CAMSAP1: variants seen among roughly 807,000 people sequenced by gnomAD.
The protein encoded by CAMSAP1 is calmodulin-regulated spectrin-associated protein 1.
CAMSAP1 carries 58 observed loss-of-function variants against 143.5 expected under a neutral mutation model. The ratio of observed to expected loss-of-function variants is 0.40; its 90% CI spans 0.33 to 0.50. The LOEUF is 0.50. Among genes scored for constraint, CAMSAP1 ranks in the 20% least tolerant of loss-of-function variants. CAMSAP1 has a pLI of 0.45. For missense variants in CAMSAP1, 1,969 were observed against 2,115.7 expected, an observed-to-expected ratio of 0.93 and a Z score of 1.36; for synonymous variants, 945 against 859.3, an observed-to-expected ratio of 1.10 and a Z score of -1.74.
Position 135,832,928 on chromosome 9 carries a change from A to G in CAMSAP1, c.1046-5344T>C, listed in dbSNP as rs78670483. On this transcript the variant is annotated intron_variant, in intron 7 of 16. Coordinates refer to ENST00000389532, the MANE Select transcript of CAMSAP1 (RefSeq NM_015447.4). ...AGATATCCCATATTCACGGATTGAC[A>G]TAATATTGTCAAAATGTCCATACTA... Among the ~76,000 whole-genome samples the G allele has an allele frequency of 4.2e-3, 636 of 152,310 alleles. 1 individual carries two copies. Among genetic ancestry groups the G allele is most frequent in the Non-Finnish European group, 6.5e-3 (442 of 68,034 alleles).
Position 135,823,129 on chromosome 9 carries a change from A to G in CAMSAP1, c.1532T>C (p.Leu511Pro), listed in dbSNP as rs1835546700. 6.2e-7 allele frequency: 1 copy of G among 1,613,654 alleles called. No individual in the cohort carries two copies. Among genetic ancestry groups the G allele is most frequent in the Admixed American group, 1.7e-5 (1 of 60,000 alleles). ...GGGGTGTGGCTGGTTCTGTGGGGTCAGATTAACAATGTTGGATGCCAAACT... is the reference window on the plus strand; with the variant it reads ...GGGGTGTGGCTGGTTCTGTGGGGTCGGATTAACAATGTTGGATGCCAAACT... ...KDSLASNIVN[L>P]TPQNQPHPTA... is the part of the protein sequence containing the mutation. Residue 511 changes from leucine (L) to proline (P), a missense_variant, in exon 11 of 17, where the codon CTG (leucine) becomes CCG (proline). Physicochemically the swap from Leu to Pro is moderately conservative, Grantham distance 98. Around this residue, in one of 4 missense-constraint regions of CAMSAP1, gnomAD observed 1,390 missense variants for 1,420.8 expected, o/e 0.98. Transcript: ENST00000389532.
intron 1 of CAMSAP1, among the ~76,000 whole-genome samples, chr9:135,883,938 TACACA>T (rs1838040496): frequency 6.6e-6 from 1 of 152,164 alleles, no homozygotes; most frequent in African/African-American, 2.4e-5. Context: ...AGGAGCAGCA[TACACA>T]CGGGACACCG....
intron 7 of CAMSAP1, among the ~76,000 whole-genome samples, chr9:135,844,615 T>C (rs555038605): frequency 6.4e-4 from 98 of 152,058 alleles, no homozygotes; most frequent in Admixed American, 1.6e-3. Context: ...CAAACTAGAC[T>C]GCTAGCCACA....
intron 7 of CAMSAP1, among the ~76,000 whole-genome samples, chr9:135,835,399 CA>C (rs1038779433): frequency 6.6e-6 from 1 of 152,104 alleles, no homozygotes; most frequent in Non-Finnish European, 1.5e-5. Context: ...GACAGAGTTC[CA>C]AAGTGAGAGG....
chr9:135,905,169 G>C (rs2131038739), intron 1 of CAMSAP1, among the ~76,000 whole-genome samples: 1 of 152,292 alleles, frequency 6.6e-6, no homozygotes, highest in African/African-American at 2.4e-5. Context: ...GTATCAGATT[G>C]TGAATTCATC....
intron 3 of CAMSAP1, among the ~76,000 whole-genome samples, chr9:135,868,609 A>ATTTTTTTTTTTTTTTTTTTTT (rs767495608): frequency 1.1e-5 from 1 of 93,466 alleles, no homozygotes; most frequent in Non-Finnish European, 2.0e-5. Flanking sequence ...GAGATTGGCA[A>ATTTTTTTTTTTTTTTTTTTTT]TTTTTTTTTT....
At chr9:135,840,576 AG>A (rs1439959508) in intron 7 of CAMSAP1, among the ~76,000 whole-genome samples, 2 of 152,202 alleles carry the variant, frequency 1.3e-5, no homozygotes, top group Non-Finnish European at 2.9e-5. Context: ...GGCAGGAGGA[AG>A]GTGGCTGGCA....
Position 135,866,481 on chromosome 9 carries a change from A to C in CAMSAP1, c.641T>G (p.Leu214Ter). The C allele has an allele frequency of 6.8e-7, 1 of 1,476,402 alleles. No individual in the cohort carries two copies. Among genetic ancestry groups the C allele is most frequent in the Non-Finnish European group, 9.3e-7 (1 of 1,078,668 alleles). The allele number at this position is 1,476,402 out of a possible 1,614,324, so 91.5% of individuals were successfully genotyped here. The change falls in exon 4 of 17, where the codon TTA becomes TGA. Residue 214 changes from leucine to a stop codon, truncating the protein, a stop_gained. Coordinates refer to ENST00000389532, the MANE Select transcript of CAMSAP1 (RefSeq NM_015447.4). LOFTEE classifies it high-confidence loss of function. ...CTTTTGATGAGCTGGACTTTCCAAT[A>C]ACTGTTGTTTTAATTTAACTTCTTT... ...TEKEVKLKQQ[L>*]LESPAHQKVR...
Position 135,821,093 on chromosome 9 carries a change from T to C in CAMSAP1, c.3568A>G (p.Ile1190Val), listed in dbSNP as rs1375596135. 3 of 1,613,808 alleles carry C rather than the reference T, an allele frequency of 1.9e-6. No homozygotes were observed. Among genetic ancestry groups the C allele is most frequent in the East Asian group, 2.2e-5 (1 of 44,894 alleles). ...LTLSSSKDAN[I>V]LSEQMSLKEV... ...TTGAGGCTCATCTGCTCCGAAAGAA[T>C]GTTGGCATCTTTGGAAGAGGACAGA... is the stretch of plus-strand genomic sequence containing the variant. Residue 1190 changes from isoleucine (I) to valine (V), a missense_variant, in exon 11 of 17, where the codon ATT (isoleucine) becomes GTT (valine). Around this residue, in one of 4 missense-constraint regions of CAMSAP1, gnomAD observed 1,390 missense variants for 1,420.8 expected, o/e 0.98. Coordinates refer to ENST00000389532, the MANE Select transcript of CAMSAP1 (RefSeq NM_015447.4). This position sits in a 1 kb window ranked among gnomAD's most constrained non-coding sequence, Gnocchi z 4.6.
rs1311868515 is a variant in CAMSAP1, at chr9:135,860,054, AAT to A, written c.808+2411_808+2412del. ...ACCCTATCTCCACAAAAAAAAAAAA[AAT>A]AAAAAAATACAAAAGTTAGCCAGGC... On this transcript the variant is annotated intron_variant, in intron 5 of 16. Coordinates refer to ENST00000389532, the MANE Select transcript of CAMSAP1 (RefSeq NM_015447.4). 4.5e-4 allele frequency among the ~76,000 whole-genome samples: 67 copies of A among 148,704 alleles called. 1 individual carries two copies. Among genetic ancestry groups the A allele is most frequent in the African/African-American group, 1.7e-3 (65 of 38,790 alleles).
chr9:135,874,228 C>T (rs543720006), intron 3 of CAMSAP1, among the ~76,000 whole-genome samples: 3 of 152,202 alleles, frequency 2.0e-5, no homozygotes, highest in East Asian at 3.9e-4. Context: ...CCTGGCCAGG[C>T]GTCGGAGGCC....
chr9:135,855,677 G>A (rs537392937), intron 5 of CAMSAP1, among the ~76,000 whole-genome samples: 54 of 150,300 alleles, frequency 3.6e-4, no homozygotes, highest in Admixed American at 2.4e-3. Flanking sequence ...GGTGGTGGCA[G>A]AGGCTGCAGT....
In CAMSAP1 at chr9:135,881,585, C is replaced by T. The variant is rs370081492; in HGVS notation, c.585+48G>A. The stretch of plus-strand genomic sequence containing the variant: ...GTGCTGCTCTCAAGTGAAAAGGAGA[C>T]CGGCCACAGAAGCAGAGTCACACAC... On this transcript the variant is annotated intron_variant, in intron 3 of 16. Transcript: ENST00000389532. 383 of 1,545,446 alleles carry T rather than the reference C, an allele frequency of 2.5e-4. 5 individuals carry two copies. In the East Asian group the frequency reaches 5.2e-3, roughly 21 times the overall value.
intron 1 of CAMSAP1, among the ~76,000 whole-genome samples, chr9:135,904,855 C>G (rs1193622063): frequency 6.6e-6 from 1 of 152,022 alleles, no homozygotes; most frequent in Non-Finnish European, 1.5e-5. Context: ...ATCCCAGCTA[C>G]TTGGGAGGCT....
intron 8 of CAMSAP1, among the ~76,000 whole-genome samples, chr9:135,827,043 G>T (rs1027116523): frequency 3.9e-5 from 6 of 152,150 alleles, no homozygotes; most frequent in African/African-American, 1.4e-4. Context: ...AAATGCAAGA[G>T]GATTTCACTC....
intron 3 of CAMSAP1, among the ~76,000 whole-genome samples, chr9:135,874,527 T>TG (rs1280371868): frequency 1.4e-5 from 2 of 147,698 alleles, no homozygotes; most frequent in African/African-American, 5.0e-5. Flanking sequence ...AGGGCATCTA[T>TG]GAAAAAAAAA....
chr9:135,831,843 G>T (rs1835871228), intron 7 of CAMSAP1, among the ~76,000 whole-genome samples: 1 of 152,084 alleles, frequency 6.6e-6, no homozygotes, highest in Non-Finnish European at 1.5e-5. Flanking sequence ...ACTGAATAAT[G>T]CAGAAGAAAT....
chr9:135,832,712 G>C (rs1273389526), intron 7 of CAMSAP1, among the ~76,000 whole-genome samples: 1 of 151,980 alleles, frequency 6.6e-6, no homozygotes, highest in Non-Finnish European at 1.5e-5. Context: ...AAATCAACAT[G>C]AAAAAACTGT....
chr9:135,891,767 A>C (rs901772560), intron 1 of CAMSAP1, among the ~76,000 whole-genome samples: 4 of 152,176 alleles, frequency 2.6e-5, no homozygotes, highest in African/African-American at 4.8e-5. Flanking sequence ...GTTATCAAAG[A>C]CTCTAAAACA....
Sources: allele counts gnomAD v4.1 joint callset (sites outside exome capture counted in the v4.1 genomes callset), GRCh38; gene constraint gnomAD v4.1.1; regional missense constraint gnomAD v4.1.1; non-coding constraint Gnocchi (gnomAD v3.1); transcripts MANE v1.5; gene names NCBI Gene and HGNC (gene_info 2026-07-23, HGNC 2026-07-21).